PTPRD: variants seen among roughly 807,000 people sequenced by gnomAD.
The protein encoded by PTPRD is protein tyrosine phosphatase receptor type D.
Under a neutral mutation model 214.5 loss-of-function variants are expected in PTPRD, and 34 were observed. The observed-to-expected ratio is 0.16, with a 90% CI of 0.12 to 0.21. PTPRD has a LOEUF of 0.21. PTPRD is among the 10% of genes least tolerant of loss of function. The pLI, the probability that PTPRD is intolerant of heterozygous loss-of-function variation, is 1.00. For synonymous variants in PTPRD, 1,128 were observed against 845.7 expected (o/e 1.33, Z -5.79); for missense variants, 2,545 against 2,398.7 (o/e 1.06, Z -1.27).
chr9:9,506,651 A>G (rs2096578036), intron 8 of PTPRD, among the ~76,000 whole-genome samples: 1 of 151,434 alleles, frequency 6.6e-6, no homozygotes, highest in Non-Finnish European at 1.5e-5. Flanking sequence ...CCTTTGGAAT[A>G]CTCAATTTGA....
intron 11 of PTPRD, among the ~76,000 whole-genome samples, chr9:8,856,385 A>G (rs1452177269): frequency 6.6e-6 from 1 of 152,174 alleles, no homozygotes; most frequent in Non-Finnish European, 1.5e-5. Context: ...GGATGGTTAG[A>G]AAAGAATACA....
intron 2 of PTPRD, among the ~76,000 whole-genome samples, chr9:10,610,506 TAAG>T (rs754080621): frequency 9.0e-5 from 10 of 111,054 alleles, no homozygotes; most frequent in East Asian, 4.5e-4. Context: ...TTTCAATAAT[TAAG>T]TTTTTTTTTT....
intron 10 of PTPRD, among the ~76,000 whole-genome samples, chr9:9,154,043 A>G (rs757726644): frequency 2.6e-5 from 4 of 152,170 alleles, no homozygotes; most frequent in African/African-American, 9.7e-5. Flanking sequence ...GACGTGATCT[A>G]GTAACATCCA....
chr9:8,890,036 ACT>A (rs1416148369), intron 11 of PTPRD, among the ~76,000 whole-genome samples: 1 of 152,182 alleles, frequency 6.6e-6, no homozygotes, highest in Middle Eastern at 3.2e-3. Context: ...GAACCTCCAC[ACT>A]GTTTTCCATA....
chr9:9,100,733 T>C (rs1414767383), intron 10 of PTPRD, among the ~76,000 whole-genome samples: 1 of 152,162 alleles, frequency 6.6e-6, no homozygotes, highest in Non-Finnish European at 1.5e-5. Flanking sequence ...GGCAGGTCCA[T>C]TTCCACCTTC....
chr9:9,223,956 G>A (rs1311801829), intron 9 of PTPRD, among the ~76,000 whole-genome samples: 1 of 151,964 alleles, frequency 6.6e-6, no homozygotes, highest in Non-Finnish European at 1.5e-5. Flanking sequence ...CCATGTTTAT[G>A]TATAAAAAGG....
At chr9:9,840,166 T>C (rs1478354755) in intron 5 of PTPRD, among the ~76,000 whole-genome samples, 1 of 152,060 alleles carries the variant, frequency 6.6e-6, no homozygotes. Context: ...GCCTTCCAAG[T>C]ACCTGGCATT....
At chr9:8,647,729 A>G (rs1481742463) in intron 12 of PTPRD, among the ~76,000 whole-genome samples, 1 of 152,230 alleles carries the variant, frequency 6.6e-6, no homozygotes, top group Non-Finnish European at 1.5e-5. Flanking sequence ...TAATTCATAT[A>G]TTCATAGCAG....
rs753699257 is a variant in PTPRD at position 8,950,872 on chromosome 9, A to C, written c.-104+67825T>G. On this transcript the variant is annotated intron_variant, in intron 11 of 45. Transcript: ENST00000381196. The stretch of plus-strand genomic sequence containing the variant: ...CTGGGTCTACCTACTCTACTTGTTC[A>C]GATTTTATTGCCAGTTTCTGACCAC... Among the ~76,000 whole-genome samples the C allele has an allele frequency of 8.5e-5, 13 of 152,174 alleles. No individual in the cohort carries two copies. The East Asian group carries it at 1.2e-3, about 14-fold the overall frequency.
chr9:9,979,730 C>A (rs1232338977), intron 4 of PTPRD, among the ~76,000 whole-genome samples: 1 of 151,952 alleles, frequency 6.6e-6, no homozygotes, highest in African/African-American at 2.4e-5. Context: ...AAGATTGCAA[C>A]GAGTGGGAAT....
chr9:10,376,980 T>C (rs2097742372), intron 2 of PTPRD, among the ~76,000 whole-genome samples: 1 of 152,020 alleles, frequency 6.6e-6, no homozygotes, highest in Non-Finnish European at 1.5e-5. Flanking sequence ...TGTAGTGCTA[T>C]CAAATACTAG....
At chr9:9,777,325 GCACACA>G (rs34617348) in intron 5 of PTPRD, among the ~76,000 whole-genome samples, 133 of 143,278 alleles carry the variant, frequency 9.3e-4, no homozygotes, top group South Asian at 2.9e-3. Context: ...GCACATACAT[GCACACA>G]CACACACACA....
intron 10 of PTPRD, among the ~76,000 whole-genome samples, chr9:9,089,365 T>C (rs2099772202): frequency 6.6e-6 from 1 of 152,210 alleles, no homozygotes; most frequent in Non-Finnish European, 1.5e-5. Context: ...GTTTGCTGAC[T>C]GCTACTATGG....
chr9:8,934,494 A>ATATATAT (rs2098981278), intron 11 of PTPRD, among the ~76,000 whole-genome samples: 1 of 7,434 alleles, frequency 1.3e-4, no homozygotes, highest in Non-Finnish European at 2.6e-4. Context: ...TATATATATA[A>ATATATAT]ATATATATAT....
At position 10,363,261 on chromosome 9, in the gene PTPRD, A is replaced by T. The variant is rs552263769; in HGVS notation, c.-599-22244T>A. 1.4e-4 allele frequency among the ~76,000 whole-genome samples: 21 copies of T among 152,354 alleles called. No individual in the cohort carries two copies. In the South Asian group the frequency reaches 1.4e-3, roughly 11 times the overall value. On this transcript the variant is annotated intron_variant, in intron 2 of 45. Coordinates refer to ENST00000381196, the MANE Select transcript of PTPRD (RefSeq NM_002839.4). ...GAAGTTCCCAGGTGAGGTCAAGGCTATTGGTCCAAGGACAACTCTTTGAGT... is the reference window on the plus strand; with the variant it reads ...GAAGTTCCCAGGTGAGGTCAAGGCTTTTGGTCCAAGGACAACTCTTTGAGT...
chr9:8,460,665 T>A, intron 32 of PTPRD, 94 bp from the exon 33 acceptor site: 1 of 1,249,184 alleles, frequency 8.0e-7, no homozygotes, highest in Middle Eastern at 2.0e-4. Flanking sequence ...CAGGAAATAG[T>A]GGATTTAATG....
intron 5 of PTPRD, among the ~76,000 whole-genome samples, chr9:9,914,405 C>A (rs556622044): frequency 2.6e-5 from 4 of 152,142 alleles, no homozygotes; most frequent in Non-Finnish European, 4.4e-5. Flanking sequence ...AGGTGTCCAC[C>A]CCTAGTGGAC....
At chr9:9,736,524 C>T (rs2098298219) in intron 6 of PTPRD, among the ~76,000 whole-genome samples, 1 of 152,004 alleles carries the variant, frequency 6.6e-6, no homozygotes, top group South Asian at 2.1e-4. Flanking sequence ...ATTACTGGGT[C>T]AGAAAATATG....
At position 9,175,626 on chromosome 9, in the gene PTPRD, A is replaced by ACAAACAAAC. The variant is rs775680535; in HGVS notation, c.-143+7677_-143+7678insGTTTGTTTG. On this transcript the variant is annotated intron_variant, in intron 10 of 45. Coordinates refer to ENST00000381196, the MANE Select transcript of PTPRD (RefSeq NM_002839.4). ...CAACAGAGTGAGACTCTGTCTCAAAAAAAAAAAAAAAAAAAAAAAAAAAAG... is the reference window on the plus strand; with the variant it reads ...CAACAGAGTGAGACTCTGTCTCAAAACAAACAAACAAAAAAAAAAAAAAAAAAAAAAAAG... 1.4e-3 allele frequency among the ~76,000 whole-genome samples: 118 copies of ACAAACAAAC among 81,728 alleles called. 3 individuals carry two copies. Among genetic ancestry groups the ACAAACAAAC allele is most frequent in the African/African-American group, 2.4e-3 (61 of 25,408 alleles). 53.6% of individuals were successfully genotyped at this position (81,728 alleles called of 152,430 possible). A position where few individuals can be genotyped will look rare whatever the true frequency, so the allele number is the denominator to read the frequency against.
Sources: allele counts gnomAD v4.1 joint callset (sites outside exome capture counted in the v4.1 genomes callset), GRCh38; gene constraint gnomAD v4.1.1; transcripts MANE v1.5; gene names NCBI Gene and HGNC (gene_info 2026-07-23, HGNC 2026-07-21).